AUTS2: variants seen among roughly 807,000 people sequenced by gnomAD.
AUTS2 encodes autism susceptibility gene 2 protein.
In AUTS2, 17 loss-of-function variants were observed where a neutral mutation model predicts 112.4. The ratio of observed to expected loss-of-function variants is 0.15; its 90% CI spans 0.10 to 0.23. The LOEUF (loss-of-function observed/expected upper bound fraction) is 0.23. AUTS2 is among the 10% of genes least tolerant of loss of function. AUTS2 has a pLI of 1.00. For missense variants in AUTS2, 1,510 were observed against 1,701.6 expected, an observed-to-expected ratio of 0.89 and a Z score of 1.98; for synonymous variants, 751 against 702.7, an observed-to-expected ratio of 1.07 and a Z score of -1.09.
chr7:69,722,717 T>G (rs568173743), intron 1 of AUTS2, among the ~76,000 whole-genome samples: 1 of 152,340 alleles, frequency 6.6e-6, no homozygotes, highest in East Asian at 1.9e-4. Flanking sequence ...GAGATAGACT[T>G]TGTTGATATC....
At chr7:70,453,404 C>T (rs1466589793) in intron 5 of AUTS2, among the ~76,000 whole-genome samples, 1 of 152,226 alleles carries the variant, frequency 6.6e-6, no homozygotes, top group East Asian at 1.9e-4. Context: ...CGCTACAGAG[C>T]AATGTAACAT....
At chr7:69,885,787 C>A (rs1584392775) in intron 1 of AUTS2, among the ~76,000 whole-genome samples, 1 of 152,314 alleles carries the variant, frequency 6.6e-6, no homozygotes, top group South Asian at 2.1e-4. Context: ...TTAAAAGATA[C>A]TGTAAACTTT....
intron 3 of AUTS2, among the ~76,000 whole-genome samples, chr7:70,123,673 C>G (rs1805808165): frequency 6.6e-6 from 1 of 152,182 alleles, no homozygotes. Flanking sequence ...CTGCAAAAGA[C>G]ATGATCTTGT....
chr7:70,778,744 T>C (rs1320095696), intron 14 of AUTS2, among the ~76,000 whole-genome samples: 1 of 152,200 alleles, frequency 6.6e-6, no homozygotes, highest in Non-Finnish European at 1.5e-5. Context: ...GGAAGTTTAA[T>C]TGGAAGCCTT....
At chr7:70,098,412 G>A (rs1185292951) in intron 2 of AUTS2, among the ~76,000 whole-genome samples, 1 of 152,172 alleles carries the variant, frequency 6.6e-6, no homozygotes, top group African/African-American at 2.4e-5. Flanking sequence ...TGCCCTTGCG[G>A]GGCTGGGAGT....
At chr7:70,248,759 A>T (rs1290363232) in intron 4 of AUTS2, among the ~76,000 whole-genome samples, 2 of 152,198 alleles carry the variant, frequency 1.3e-5, no homozygotes, top group African/African-American at 2.4e-5. Flanking sequence ...TTTAATAAAA[A>T]CATTTCAAAG....
At chr7:69,654,905 C>T (rs1046838571) in intron 1 of AUTS2, among the ~76,000 whole-genome samples, 59 of 152,212 alleles carry the variant, frequency 3.9e-4, no homozygotes, top group African/African-American at 1.4e-3. Context: ...AATAATAGGG[C>T]TCCTGACAAG....
chr7:70,085,368 A>C (rs185663526), intron 2 of AUTS2, among the ~76,000 whole-genome samples: 24 of 147,936 alleles, frequency 1.6e-4, no homozygotes, highest in Admixed American at 1.5e-3. Context: ...ATTTTTGCAT[A>C]CTTTTTTTTT....
intron 17 of AUTS2, chr7:70,786,997 TA>T: frequency 3.1e-6 from 2 of 654,176 alleles, no homozygotes; most frequent in East Asian, 2.8e-5. Context: ...CTTTTGGTTT[TA>T]AAAAGAAAAA....
intron 1 of AUTS2, among the ~76,000 whole-genome samples, chr7:69,894,280 A>ATTTTTT (rs1794654066): frequency 4.8e-5 from 1 of 20,858 alleles, no homozygotes; most frequent in Non-Finnish European, 9.2e-5. Context: ...TTTTTTTTTA[A>ATTTTTT]CAGATTTCTT....
chr7:70,272,126 A>T (rs981985260), intron 4 of AUTS2, among the ~76,000 whole-genome samples: 1 of 152,146 alleles, frequency 6.6e-6, no homozygotes, highest in Non-Finnish European at 1.5e-5. Context: ...TTCCTCAGAT[A>T]TGACAAGTCT....
intron 2 of AUTS2, among the ~76,000 whole-genome samples, chr7:69,948,678 A>G (rs1420379509): frequency 6.6e-6 from 1 of 152,184 alleles, no homozygotes; most frequent in African/African-American, 2.4e-5. Context: ...TTATTTAAAA[A>G]CAAGGAAATT....
chr7:70,245,166 ATAT>A (rs1562817146), intron 4 of AUTS2, among the ~76,000 whole-genome samples: 9 of 139,748 alleles, frequency 6.4e-5, no homozygotes, highest in South Asian at 2.3e-4. Context: ...ATATATATAT[ATAT>A]AAAAAATAAA....
At chr7:70,343,936 T>C (rs1791383515) in intron 4 of AUTS2, among the ~76,000 whole-genome samples, 1 of 152,050 alleles carries the variant, frequency 6.6e-6, no homozygotes, top group Non-Finnish European at 1.5e-5. Context: ...GAAAGGCACA[T>C]AGTGGTGTGA....
intron 3 of AUTS2, among the ~76,000 whole-genome samples, chr7:70,128,273 T>C (rs1687934695): frequency 6.6e-6 from 1 of 152,212 alleles, no homozygotes; most frequent in African/African-American, 2.4e-5. Flanking sequence ...ATTCATCAGG[T>C]ATAGTCTGGG....
intron 1 of AUTS2, among the ~76,000 whole-genome samples, chr7:69,871,276 C>G (rs1231058550): frequency 6.6e-6 from 1 of 152,122 alleles, no homozygotes; most frequent in Non-Finnish European, 1.5e-5. Flanking sequence ...AGCTTTCTGC[C>G]TTTAAATTGA....
At chr7:70,062,397 C>T (rs1352628373) in intron 2 of AUTS2, among the ~76,000 whole-genome samples, 1 of 151,756 alleles carries the variant, frequency 6.6e-6, no homozygotes, top group South Asian at 2.1e-4. Flanking sequence ...CCTGTAGTCC[C>T]AGCTACTCAG....
At chr7:69,835,291 C>T (rs567507625) in intron 1 of AUTS2, among the ~76,000 whole-genome samples, 7 of 151,956 alleles carry the variant, frequency 4.6e-5, no homozygotes, top group Non-Finnish European at 1.0e-4. Flanking sequence ...GTCCTTAACC[C>T]AGGACATAAG....
At chr7:70,309,146 A>G (rs1444236966) in intron 4 of AUTS2, among the ~76,000 whole-genome samples, 1 of 152,214 alleles carries the variant, frequency 6.6e-6, no homozygotes, top group African/African-American at 2.4e-5. Context: ...CAGAACCATC[A>G]GTTAAGAATT....
Sources: allele counts gnomAD v4.1 joint callset (sites outside exome capture counted in the v4.1 genomes callset), GRCh38; gene constraint gnomAD v4.1.1; transcripts MANE v1.5; gene names NCBI Gene and HGNC (gene_info 2026-07-23, HGNC 2026-07-21).